FRG1: variants seen among roughly 807,000 people sequenced by gnomAD.
FRG1 encodes the protein protein FRG1.
Under a neutral mutation model 37.0 loss-of-function variants are expected in FRG1, and 19 were observed. The observed-to-expected ratio is 0.51, with a 90% CI of 0.36 to 0.75. The LOEUF is 0.75. FRG1 is among the 30% of genes least tolerant of loss of function. FRG1 has a pLI of 0.00. For synonymous variants in FRG1, 73 were observed against 96.5 expected, an observed-to-expected ratio of 0.76 and a Z score of 1.43; for missense variants, 243 against 301.4, an observed-to-expected ratio of 0.81 and a Z score of 1.44.
intron 5 of FRG1, among the ~76,000 whole-genome samples, chr4:189,956,167 A>G (rs1736973024): frequency 1.3e-5 from 2 of 151,934 alleles, no homozygotes; most frequent in African/African-American, 4.8e-5. Context: ...ATGCACCTTG[A>G]TATTTCTTAT....
chr4:189,955,257 A>G, intron 5 of FRG1, 106 bp downstream of exon 5: 1 of 640,906 alleles, frequency 1.6e-6, no homozygotes, highest in Non-Finnish European at 2.8e-6. Context: ...GCAATAGTGT[A>G]ATACATTAAA....
Position 189,953,218 on chromosome 4 carries a change from G to A in FRG1, c.317+93G>A, listed in dbSNP as rs567276874. ...TTTAGTATCTGTCTTAAGCCCACAG[G>A]GTAATTTTGATGTAAAAAACAAAAT... On this transcript the variant is annotated intron_variant, in intron 4 of 8. Transcript: ENST00000226798. The A allele has an allele frequency of 1.3e-4, 186 of 1,410,076 alleles. 2 individuals are homozygous for A. The East Asian group carries it at 2.6e-3, about 20-fold the overall frequency. The allele number at this position is 1,410,076 out of a possible 1,614,324, so 87.3% of individuals were successfully genotyped here.
Position 189,960,945 on chromosome 4 carries a change from A to G in FRG1, c.629+106A>G, listed in dbSNP as rs11132779. ...TAGCTGGGCATGGTGGTACATGCCT[A>G]TAGGCCCAGCTACTCGGGAGGCTGA... is the stretch of plus-strand genomic sequence containing the variant. On this transcript the variant is annotated intron_variant, in intron 7 of 8. Transcript: ENST00000226798. The G allele has an allele frequency of 9.1e-6, 12 of 1,319,860 alleles. No homozygotes were observed. In the East Asian group the frequency reaches 1.2e-4, roughly 14 times the overall value. The allele number at this position is 1,319,860 out of a possible 1,614,324, so 81.8% of individuals were successfully genotyped here. A position where few individuals can be genotyped will look rare whatever the true frequency, so the allele number is the denominator to read the frequency against.
intron 2 of FRG1, among the ~76,000 whole-genome samples, chr4:189,949,285 T>C (rs1380989000): frequency 6.6e-6 from 1 of 152,198 alleles, no homozygotes; most frequent in East Asian, 1.9e-4. Flanking sequence ...TATTATGTTA[T>C]GTTACTTTAG....
chr4:189,943,226 G>A lies in FRG1; in HGVS notation c.87G>A (p.Lys29=), dbSNP rs1400202044. The change falls in exon 2 of 9, where the codon AAG becomes AAA. Residue 29 remains lysine (K), a synonymous_variant. Coordinates refer to ENST00000226798, the MANE Select transcript of FRG1 (RefSeq NM_004477.3). ...TKSKKKKSKD[K]KRKREEDEET... ...GTAAGAAGAAAAAGAGCAAAGATAA[G>A]AAAAGAAAAAGAGAAGAAGATGAAG... The A allele has an allele frequency of 6.2e-7, 1 of 1,604,762 alleles. No individual in the cohort carries two copies. Among genetic ancestry groups the A allele is most frequent in the African/African-American group, 1.3e-5 (1 of 74,692 alleles).
intron 2 of FRG1, among the ~76,000 whole-genome samples, chr4:189,951,955 T>A (rs1201507385): frequency 6.6e-6 from 1 of 152,202 alleles, no homozygotes; most frequent in Non-Finnish European, 1.5e-5. Context: ...TCATGGATTA[T>A]ATCAATTTCA....
chr4:189,943,845 A>G (rs1251934922), intron 2 of FRG1, among the ~76,000 whole-genome samples: 1 of 152,208 alleles, frequency 6.6e-6, no homozygotes, highest in Non-Finnish European at 1.5e-5. Flanking sequence ...GAATCTTCAT[A>G]AATTATGGTA....
chr4:189,951,625 C>A (rs549212157), intron 2 of FRG1, among the ~76,000 whole-genome samples: 3 of 152,182 alleles, frequency 2.0e-5, no homozygotes, highest in Non-Finnish European at 4.4e-5. Flanking sequence ...AGAGACCATT[C>A]TCTATATGTC....
intron 2 of FRG1, among the ~76,000 whole-genome samples, chr4:189,951,341 A>G (rs1304479179): frequency 6.6e-6 from 1 of 151,974 alleles, no homozygotes; most frequent in Admixed American, 6.6e-5. Flanking sequence ...TACAAAAAAA[A>G]TTATTCAGGC....
Position 189,961,859 on chromosome 4 carries a change from A to C in FRG1, c.667A>C (p.Ile223Leu). Reference sequence around the variant, plus strand: ...GAGCTTCCAAGACCACAAACTTAAAATAAGTAAAGAAGACAGTAAAATTCT... The same window carrying C: ...GAGCTTCCAAGACCACAAACTTAAACTAAGTAAAGAAGACAGTAAAATTCT... Reference protein sequence around the residue: ...FQSFQDHKLKISKEDSKILKK... With the variant: ...FQSFQDHKLKLSKEDSKILKK... The change falls in exon 8 of 9, where the codon ATA becomes CTA. Residue 223 changes from isoleucine (I) to leucine (L), a missense_variant. By Grantham distance (5) the Ile-to-Leu change is conservative. This residue lies in a region of FRG1 where 133 missense variants were observed against 199.3 expected (regional missense o/e 0.67). Coordinates refer to ENST00000226798, the MANE Select transcript of FRG1 (RefSeq NM_004477.3). 2 of 1,593,008 alleles carry C rather than the reference A, an allele frequency of 1.3e-6. No homozygotes were observed. The highest frequency in any genetic ancestry group is 1.7e-6 in the Non-Finnish European group (2 of 1,169,550).
At chr4:189,941,557 TTG>T (rs1206178186) in intron 1 of FRG1, among the ~76,000 whole-genome samples, 7 of 152,220 alleles carry the variant, frequency 4.6e-5, no homozygotes, top group Non-Finnish European at 7.3e-5. Flanking sequence ...ACCTGCACTC[TTG>T]TCATTTACTA....
intron 4 of FRG1, among the ~76,000 whole-genome samples, chr4:189,953,960 A>G (rs1736871225): frequency 6.6e-6 from 1 of 152,196 alleles, no homozygotes; most frequent in African/African-American, 2.4e-5. Context: ...CTTAATAGGC[A>G]GTGAGTTCTT....
chr4:189,952,808 C>T (rs1237354923), intron 3 of FRG1, among the ~76,000 whole-genome samples: 2 of 152,198 alleles, frequency 1.3e-5, no homozygotes, highest in East Asian at 3.9e-4. Context: ...TATTTTAAAA[C>T]ATAAAGAGAA....
At chr4:189,946,765 T>G (rs1433533644) in intron 2 of FRG1, among the ~76,000 whole-genome samples, 1 of 152,248 alleles carries the variant, frequency 6.6e-6, no homozygotes, top group East Asian at 1.9e-4. Context: ...ATTTATAGTA[T>G]AGTTGGAGAA....
At chr4:189,949,592 A>T (rs1736667945) in intron 2 of FRG1, among the ~76,000 whole-genome samples, 1 of 152,182 alleles carries the variant, frequency 6.6e-6, no homozygotes, top group Admixed American at 6.5e-5. Flanking sequence ...TATTTAAATG[A>T]TTTTATTTAA....
In FRG1 at chr4:189,940,877, C is replaced by A; in HGVS notation, c.-133C>A. On this transcript the variant is annotated 5_prime_UTR_variant, in exon 1 of 9. Coordinates refer to ENST00000226798, the MANE Select transcript of FRG1 (RefSeq NM_004477.3). ...GTTTGGGTGAAGACGGAGGCGGGTT[C>A]TACAGAGACGTAGGCTGTCAGGGAG... 3.1e-6 allele frequency: 2 copies of A among 650,746 alleles called. No individual in the cohort carries two copies. The highest frequency in any genetic ancestry group is 3.8e-5 in the South Asian group (2 of 52,554). The allele number at this position is 650,746 out of a possible 1,614,324, so 40.3% of individuals were successfully genotyped here.
At chr4:189,944,757 G>A (rs972963675) in intron 2 of FRG1, among the ~76,000 whole-genome samples, 13 of 152,112 alleles carry the variant, frequency 8.5e-5, no homozygotes, top group Non-Finnish European at 4.4e-5. Context: ...CTATCGATAC[G>A]TTTGTCTGTT....
intron 1 of FRG1, chr4:189,941,812 C>T (rs1489966366): frequency 2.4e-6 from 1 of 425,484 alleles, no homozygotes; most frequent in African/African-American, 2.1e-5. Flanking sequence ...CTCATATCCC[C>T]GCTTCTTTTT....
At chr4:189,948,379 C>T (rs1459722888) in intron 2 of FRG1, among the ~76,000 whole-genome samples, 1 of 152,194 alleles carries the variant, frequency 6.6e-6, no homozygotes, top group Non-Finnish European at 1.5e-5. Context: ...GGACTTACAA[C>T]ATCGTACTTT....
Sources: allele counts gnomAD v4.1 joint callset (sites outside exome capture counted in the v4.1 genomes callset), GRCh38; gene constraint gnomAD v4.1.1; regional missense constraint gnomAD v4.1.1; transcripts MANE v1.5; gene names NCBI Gene and HGNC (gene_info 2026-07-23, HGNC 2026-07-21).